INKA2: variants seen among roughly 807,000 people sequenced by gnomAD.
INKA2 encodes inka box actin regulator 2.
In INKA2, 3 loss-of-function variants were observed where a neutral mutation model predicts 9.8. The ratio of observed to expected loss-of-function variants is 0.31; its 90% confidence interval spans 0.14 to 0.79. The LOEUF is 0.79. INKA2 is among the 30% of genes least tolerant of loss of function. The pLI, the probability that INKA2 is intolerant of heterozygous loss-of-function variation, is 0.62. For missense variants in INKA2, 392 were observed against 384.4 expected, an observed-to-expected ratio of 1.02 and a Z score of -0.17; for synonymous variants, 147 against 143.3, an observed-to-expected ratio of 1.03 and a Z score of -0.18.
In INKA2 at chr1:111,726,649, C is replaced by T; in HGVS notation, c.*319G>A. 2.9e-6 allele frequency: 1 copy of T among 350,348 alleles called. No individual in the cohort carries two copies. The highest frequency in any genetic ancestry group is 5.2e-6 in the Non-Finnish European group (1 of 190,976). The allele number at this position is 350,348 out of a possible 1,614,324, so 21.7% of individuals were successfully genotyped here. A position where few individuals can be genotyped will look rare whatever the true frequency, so the allele number is the denominator to read the frequency against. On this transcript the variant is annotated 3_prime_UTR_variant, in exon 2 of 2. Transcript: ENST00000357260. ...GGGATTTTCTGATCTCCTCCTCTGC[C>T]CTCACCTACTGTCACCTCCAGCCCC...
At chr1:111,728,767 T>C (rs917069139) in intron 1 of INKA2, among the ~76,000 whole-genome samples, 2 of 152,236 alleles carry the variant, frequency 1.3e-5, no homozygotes, top group Non-Finnish European at 2.9e-5. Flanking sequence ...TAAGATATCT[T>C]ATTGTATATA....
chr1:111,745,287 ATATATATTTTT>A (rs1368441617), intron 1 of INKA2: 15 of 50,040 alleles, frequency 3.0e-4, no homozygotes, highest in African/African-American at 1.3e-3. Flanking sequence ...ATATATATAT[ATATATATTTTT>A]TTTTTTTTTT....
rs1254560442 is a variant in INKA2 at position 111,745,266 on chromosome 1, TA to T, written n.124+10434del. 34 of 30,404 alleles carry T rather than the reference TA, an allele frequency of 1.1e-3. 3 individuals are homozygous for T. The South Asian group carries it at 0.012, about 11-fold the overall frequency. 1.9% of individuals were successfully genotyped at this position (30,404 alleles called of 1,614,324 possible). On this transcript the variant is annotated intron_variant and non_coding_transcript_variant, in intron 1 of 1. Coordinates refer to the INKA2 transcript ENST00000444059. Reference sequence around the variant, plus strand: ...CACACACACACACACACAGAGATATTATATATATATATATATATATATATAT... The same window carrying T: ...CACACACACACACACACAGAGATATTTATATATATATATATATATATATAT...
chr1:111,732,235 C>T (rs1662922519), intron 1 of INKA2, among the ~76,000 whole-genome samples: 1 of 152,140 alleles, frequency 6.6e-6, no homozygotes, highest in East Asian at 1.9e-4. Context: ...CTTCTTCTTC[C>T]AGAGCTTGGG....
intron 1 of INKA2, among the ~76,000 whole-genome samples, chr1:111,752,646 AG>A (rs897960746): frequency 1.3e-5 from 2 of 151,896 alleles, no homozygotes; most frequent in Admixed American, 1.3e-4. Flanking sequence ...CCTCACACCC[AG>A]GGTGGGCCAC....
rs1662696115 is a variant in INKA2 at position 111,723,536 on chromosome 1, G to A, written c.*3432C>T. The A allele has an allele frequency of 6.2e-6, 1 of 161,428 alleles. No individual in the cohort carries two copies. Among genetic ancestry groups the A allele is most frequent in the South Asian group, 2.0e-4 (1 of 5,128 alleles). The allele number at this position is 161,428 out of a possible 1,614,324, so 10.0% of individuals were successfully genotyped here. A position where few individuals can be genotyped will look rare whatever the true frequency, so the allele number is the denominator to read the frequency against. Reference sequence around the variant, plus strand: ...TCAGGTGGCCCTTGTACCTGCCAGGGAAGTGGGGCAGGGTGGGGTGGGGCT... The same window carrying A: ...TCAGGTGGCCCTTGTACCTGCCAGGAAAGTGGGGCAGGGTGGGGTGGGGCT... On this transcript the variant is annotated 3_prime_UTR_variant, in exon 2 of 2. Coordinates refer to ENST00000357260, the MANE Select transcript of INKA2 (RefSeq NM_019099.5).
Position 111,723,161 on chromosome 1 carries a change from G to A in INKA2, c.*3807C>T, listed in dbSNP as rs1662685744. The A allele has an allele frequency of 1.5e-6, 1 of 684,928 alleles. No homozygotes were observed. Among genetic ancestry groups the A allele is most frequent in the African/African-American group, 1.8e-5 (1 of 56,322 alleles). 42.4% of individuals were successfully genotyped at this position (684,928 alleles called of 1,614,324 possible). Reference sequence around the variant, plus strand: ...GGTTCTGGCTGCTCTGGAGAAGGTGGGGACAAGGTGTGCTCTTGCTCTTGT... The same window carrying A: ...GGTTCTGGCTGCTCTGGAGAAGGTGAGGACAAGGTGTGCTCTTGCTCTTGT... On this transcript the variant is annotated 3_prime_UTR_variant, in exon 2 of 2. Transcript: ENST00000357260.
intron 1 of INKA2, among the ~76,000 whole-genome samples, chr1:111,734,014 G>A (rs549611184): frequency 6.6e-5 from 10 of 152,224 alleles, no homozygotes; most frequent in Non-Finnish European, 1.2e-4. Flanking sequence ...GCTGAGGGCC[G>A]GAAATGGGAA....
intron 1 of INKA2, chr1:111,755,597 G>A (rs1663522740): frequency 1.5e-6 from 2 of 1,346,854 alleles, no homozygotes; most frequent in South Asian, 1.4e-5. Context: ...CGGTGGCGCC[G>A]GGGGCACGGC....
chr1:111,750,156 T>G (rs197381), intron 1 of INKA2, among the ~76,000 whole-genome samples: 22,740 of 152,272 alleles, frequency 0.15, 2,107 homozygotes, highest in African/African-American at 0.26. Flanking sequence ...GTGGGCCTTG[T>G]GCAGAGAGGA....
chr1:111,738,052 C>T (rs197438), intron 1 of INKA2, among the ~76,000 whole-genome samples: 53,170 of 152,106 alleles, frequency 0.35, 11,443 homozygotes, highest in African/African-American at 0.62. Context: ...TAGATCCAGG[C>T]CTGCTGTTGT....
At chr1:111,737,642 G>T (rs1291687806) in intron 1 of INKA2, among the ~76,000 whole-genome samples, 1 of 152,184 alleles carries the variant, frequency 6.6e-6, no homozygotes, top group Non-Finnish European at 1.5e-5. Flanking sequence ...TCCCAATCTG[G>T]CATGAGAAGC....
At position 111,722,560 on chromosome 1, in the gene INKA2, T is replaced by G. The variant is rs1216651414; in HGVS notation, c.*4408A>C. 6.5e-6 allele frequency: 1 copy of G among 153,906 alleles called. No homozygotes were observed. The highest frequency in any genetic ancestry group is 2.4e-5 in the African/African-American group (1 of 41,394). 9.5% of individuals were successfully genotyped at this position (153,906 alleles called of 1,614,324 possible). A position where few individuals can be genotyped will look rare whatever the true frequency, so the allele number is the denominator to read the frequency against. ...TTTCCTAGAGCAGGTCCTTAGGCAG[T>G]GGGGTCCTCAAGCACCTTTTCTCCA... On this transcript the variant is annotated 3_prime_UTR_variant, in exon 2 of 2. Transcript: ENST00000357260.
intron 1 of INKA2, chr1:111,754,273 C>A (rs1035897523): frequency 1.3e-5 from 2 of 152,202 alleles, no homozygotes; most frequent in African/African-American, 4.8e-5. Flanking sequence ...GCCATCTCCA[C>A]CATCAGTCTC....
upstream of INKA2, among the ~76,000 whole-genome samples, chr1:111,740,669 T>A (rs1230579373): frequency 6.6e-6 from 1 of 152,142 alleles, no homozygotes; most frequent in African/African-American, 2.4e-5. Context: ...CAGCCAAAAG[T>A]GCCAGATATG....
chr1:111,729,374 C>A (rs78089428), intron 1 of INKA2, among the ~76,000 whole-genome samples: 1 of 152,202 alleles, frequency 6.6e-6, no homozygotes, highest in African/African-American at 2.4e-5. Flanking sequence ...TTGGCTCTGC[C>A]GCCCCGGCCA....
At position 111,755,600 on chromosome 1, in the gene INKA2, G is replaced by T. The variant is rs532406636; in HGVS notation, n.124+101C>A. The T allele has an allele frequency of 1.1e-5, 15 of 1,394,788 alleles. 1 individual carries two copies. Among genetic ancestry groups the T allele is most frequent in the Middle Eastern group, 4.9e-4 (2 of 4,110 alleles). 86.4% of individuals were successfully genotyped at this position (1,394,788 alleles called of 1,614,324 possible). A position where few individuals can be genotyped will look rare whatever the true frequency, so the allele number is the denominator to read the frequency against. ...ACGGCGAGAGGGCGGTGGCGCCGGG[G>T]GCACGGCTGGGCGGCTCCGCCCAGA... On this transcript the variant is annotated intron_variant and non_coding_transcript_variant, in intron 1 of 1. Coordinates refer to the INKA2 transcript ENST00000444059.
intron 1 of INKA2, among the ~76,000 whole-genome samples, chr1:111,737,694 A>G (rs1663036694): frequency 6.6e-6 from 1 of 152,228 alleles, no homozygotes; most frequent in African/African-American, 2.4e-5. Context: ...GTAAGTTCAG[A>G]AGAAAAGCAA....
At position 111,724,282 on chromosome 1, in the gene INKA2, C is replaced by T. The variant is rs1557906399; in HGVS notation, c.*2686G>A. ...TTGAGAGCAGGAGTTGGGTCCTTCT[C>T]ATTGCTCTGTTCTTAGTTTCTATAA... On this transcript the variant is annotated 3_prime_UTR_variant, in exon 2 of 2. Coordinates refer to ENST00000357260, the MANE Select transcript of INKA2 (RefSeq NM_019099.5). The T allele has an allele frequency of 1.3e-5, 2 of 152,236 alleles. No homozygotes were observed. The highest frequency in any genetic ancestry group is 2.9e-5 in the Non-Finnish European group (2 of 68,046). 9.4% of individuals were successfully genotyped at this position (152,236 alleles called of 1,614,324 possible). A position where few individuals can be genotyped will look rare whatever the true frequency, so the allele number is the denominator to read the frequency against.
Sources: gnomAD v4.1 joint callset for allele counts (sites outside exome capture counted in the v4.1 genomes callset) on GRCh38, gnomAD v4.1.1 for gene constraint, MANE v1.5 for transcripts, NCBI Gene and HGNC (gene_info 2026-07-23, HGNC 2026-07-21) for gene names.